Variants in DAB1 observed in about 807,000 individuals in gnomAD.
The protein encoded by DAB1 is DAB adaptor protein 1, also known as disabled homolog 1.
DAB1 carries 15 observed loss-of-function variants against 64.6 expected under a neutral mutation model. The ratio of observed to expected loss-of-function variants is 0.23; its 90% CI spans 0.16 to 0.36. The LOEUF (loss-of-function observed/expected upper bound fraction) is 0.36. Ranked by LOEUF, DAB1 falls within the 10% of genes least tolerant of loss-of-function variation. The pLI, the probability that DAB1 is intolerant of heterozygous loss-of-function variation, is 1.00. For synonymous variants in DAB1, 235 were observed against 251.9 expected (o/e 0.93, Z 0.64); for missense variants, 596 against 706.7 (o/e 0.84, Z 1.78).
chr1:57,106,202 T>C (rs1655125328), intron 4 of DAB1, among the ~76,000 whole-genome samples: 1 of 152,078 alleles, frequency 6.6e-6, no homozygotes, highest in Non-Finnish European at 1.5e-5. Context: ...ATAGAGCTCC[T>C]GCTATTTTAT....
chr1:57,716,479 C>T (rs1575512), intron 6 of DAB1, among the ~76,000 whole-genome samples: 119,205 of 152,216 alleles, frequency 0.78, 47,746 homozygotes, highest in African/African-American at 0.94. Flanking sequence ...CGAAAATACA[C>T]ATTGGGGAAA....
chr1:58,163,609 A>G (rs1655663464), intron 4 of DAB1, among the ~76,000 whole-genome samples: 1 of 152,168 alleles, frequency 6.6e-6, no homozygotes, highest in Admixed American at 6.6e-5. Context: ...CTCCTTCCCA[A>G]TCCATATGGA....
chr1:57,908,939 G>A (rs1644599525), intron 5 of DAB1, among the ~76,000 whole-genome samples: 1 of 151,980 alleles, frequency 6.6e-6, no homozygotes, highest in South Asian at 2.1e-4. Context: ...TCACTTTAAA[G>A]GAAGTGTCTT....
At chr1:58,282,246 A>G (rs903377944) in intron 4 of DAB1, among the ~76,000 whole-genome samples, 1 of 152,114 alleles carries the variant, frequency 6.6e-6, no homozygotes, top group Non-Finnish European at 1.5e-5. Context: ...ACTGCCTCAC[A>G]GTATCTCATC....
At chr1:58,511,646 C>A (rs1646078968) in intron 2 of DAB1, among the ~76,000 whole-genome samples, 1 of 152,068 alleles carries the variant, frequency 6.6e-6, no homozygotes, top group African/African-American at 2.4e-5. Flanking sequence ...AACACACACA[C>A]ACACACAAAC....
rs1204803964 is a variant in DAB1, at chr1:57,906,936, GCAGATAGATAGA to G, written n.388-22786_388-22775del. Among the ~76,000 whole-genome samples the G allele has an allele frequency of 6.3e-4, 77 of 121,360 alleles. 1 individual carries two copies. Among genetic ancestry groups the G allele is most frequent in the African/African-American group, 2.0e-3 (64 of 32,774 alleles). 79.6% of individuals were successfully genotyped at this position (121,360 alleles called of 152,430 possible). On this transcript the variant is annotated intron_variant and non_coding_transcript_variant, in intron 5 of 20. Transcript: ENST00000485760. ...ACATATAAAAATAAGAATATAATATGCAGATAGATAGATAGATAGATAGATAGATAGATAGAT... is the reference window on the plus strand; with the variant it reads ...ACATATAAAAATAAGAATATAATATGTAGATAGATAGATAGATAGATAGAT...
At chr1:57,371,115 G>A (rs17457585) in intron 1 of DAB1, among the ~76,000 whole-genome samples, 3,123 of 152,234 alleles carry the variant, frequency 0.021, 42 homozygotes, top group South Asian at 0.043. Flanking sequence ...AAAACAAAAC[G>A]ATCCATTTCC....
chr1:58,361,863 C>CCCCTTTT (rs1557739869), intron 3 of DAB1, among the ~76,000 whole-genome samples: 1 of 84,022 alleles, frequency 1.2e-5, no homozygotes. Flanking sequence ...AAAGATCCCC[C>CCCCTTTT]TTTTTTTTTT....
chr1:58,132,798 G>T (rs549168359), intron 5 of DAB1, among the ~76,000 whole-genome samples: 2 of 152,122 alleles, frequency 1.3e-5, no homozygotes, highest in South Asian at 2.1e-4. Flanking sequence ...GTCCTGGCTG[G>T]TCTGTAGCCT....
chr1:58,351,930 T>C (rs118132039), intron 3 of DAB1, among the ~76,000 whole-genome samples: 2 of 149,390 alleles, frequency 1.3e-5, no homozygotes, highest in East Asian at 4.0e-4. Flanking sequence ...TCAGGGAAGT[T>C]GGAGTAGGAT....
At chr1:57,276,374 C>G (rs1323287069) in intron 2 of DAB1, among the ~76,000 whole-genome samples, 2 of 152,172 alleles carry the variant, frequency 1.3e-5, no homozygotes, top group Non-Finnish European at 2.9e-5. Context: ...TTCAAAACAT[C>G]AAAGAAAAAC....
At chr1:57,862,762 C>T (rs1490197838) in intron 1 of DAB1, 1 of 152,126 alleles carries the variant, frequency 6.6e-6, no homozygotes, top group Non-Finnish European at 1.5e-5. Context: ...ACTAAACTGA[C>T]TAAAATTAAT....
chr1:57,070,447 T>C (rs566383623), intron 7 of DAB1, among the ~76,000 whole-genome samples: 1 of 152,308 alleles, frequency 6.6e-6, no homozygotes, highest in South Asian at 2.1e-4. Flanking sequence ...GAGCTGCAGA[T>C]CTTGAAGAGA....
chr1:57,003,955 T>C (rs982689628), intron 14 of DAB1, among the ~76,000 whole-genome samples: 1 of 152,210 alleles, frequency 6.6e-6, no homozygotes, highest in Non-Finnish European at 1.5e-5. Context: ...TTGATTGCTA[T>C]AGACTAGGTT....
At chr1:58,031,725 C>T (rs1646973030) in intron 5 of DAB1, among the ~76,000 whole-genome samples, 1 of 152,086 alleles carries the variant, frequency 6.6e-6, no homozygotes. Flanking sequence ...GTGCCCTAAG[C>T]CTCAAAGGGA....
At chr1:58,520,415 G>A (rs1452628519) in intron 2 of DAB1, among the ~76,000 whole-genome samples, 1 of 152,098 alleles carries the variant, frequency 6.6e-6, no homozygotes, top group Non-Finnish European at 1.5e-5. Context: ...AAAAATATCT[G>A]AGAAGATAAT....
chr1:58,021,931 G>A (rs573837745), intron 5 of DAB1, among the ~76,000 whole-genome samples: 2 of 152,328 alleles, frequency 1.3e-5, no homozygotes, highest in African/African-American at 4.8e-5. Context: ...ACCACAGACA[G>A]AGTAGGTGGC....
chr1:58,147,053 T>C (rs1654636830), intron 5 of DAB1, among the ~76,000 whole-genome samples: 1 of 152,126 alleles, frequency 6.6e-6, no homozygotes, highest in African/African-American at 2.4e-5. Context: ...ACGCCTGTAA[T>C]CCCAGCACTT....
intron 14 of DAB1, among the ~76,000 whole-genome samples, chr1:57,005,728 A>G (rs1444404323): frequency 1.3e-5 from 2 of 152,182 alleles, no homozygotes; most frequent in Non-Finnish European, 1.5e-5. Context: ...TGTTTGAATT[A>G]CTTAATCTGG....
Sources: gnomAD v4.1 joint callset for allele counts (sites outside exome capture counted in the v4.1 genomes callset) on GRCh38, gnomAD v4.1.1 for gene constraint, MANE v1.5 for transcripts, NCBI Gene and HGNC (gene_info 2026-07-23, HGNC 2026-07-21) for gene names.